The following GPC6 variants were observed in gnomAD, a reference collection of about 807,000 sequenced individuals.
GPC6 encodes glypican 6, also known as glypican-6.
GPC6 carries 14 observed loss-of-function variants against 55.2 expected under a neutral mutation model. The ratio of observed to expected loss-of-function variants is 0.25; its 90% confidence interval spans 0.17 to 0.40. GPC6 has a LOEUF of 0.40. Ranked by LOEUF, GPC6 falls within the 10% of genes least tolerant of loss-of-function variation. GPC6 has a pLI of 1.00. For missense variants in GPC6, 641 were observed against 708.5 expected (o/e 0.90, Z 1.08); for synonymous variants, 278 against 259.6 (o/e 1.07, Z -0.68).
intron 2 of GPC6, among the ~76,000 whole-genome samples, chr13:93,552,618 C>T (rs147616275): frequency 5.8e-4 from 89 of 152,292 alleles, no homozygotes; most frequent in African/African-American, 2.1e-3. Flanking sequence ...ACCCCTACCA[C>T]ACACCTCAAA....
chr13:93,609,253 C>T (rs1026771667), intron 2 of GPC6, among the ~76,000 whole-genome samples: 9 of 152,268 alleles, frequency 5.9e-5, no homozygotes, highest in South Asian at 2.1e-4. Context: ...CTTGTTCTGT[C>T]GCACAGGCTG....
In GPC6 at chr13:93,962,911, C is replaced by G. The variant is rs556450695; in HGVS notation, c.712-64818C>G. Among the ~76,000 whole-genome samples, 10 of 152,230 alleles carry G rather than the reference C, an allele frequency of 6.6e-5. No homozygotes were observed. The East Asian group carries it at 1.9e-3, about 29-fold the overall frequency. On this transcript the variant is annotated intron_variant, in intron 3 of 8. Coordinates refer to ENST00000377047, the MANE Select transcript of GPC6 (RefSeq NM_005708.5). ...CAATAGGTACTTGTAACCAAACTCTCAAATATTGTGTGACAGTTGTTCTGA... is the reference window on the plus strand; with the variant it reads ...CAATAGGTACTTGTAACCAAACTCTGAAATATTGTGTGACAGTTGTTCTGA...
intron 2 of GPC6, among the ~76,000 whole-genome samples, chr13:93,575,880 A>C (rs9589780): frequency 0.023 from 3,427 of 152,270 alleles, 126 homozygotes; most frequent in African/African-American, 0.078. Flanking sequence ...TCTCCAATCT[A>C]CAAAGCTGAG....
At chr13:94,038,669 T>C (rs1883423364) in intron 4 of GPC6, among the ~76,000 whole-genome samples, 1 of 151,892 alleles carries the variant, frequency 6.6e-6, no homozygotes, top group Non-Finnish European at 1.5e-5. Context: ...TTAAACTAGA[T>C]AATTTATGTA....
chr13:94,077,717 A>T (rs912521323), intron 4 of GPC6, among the ~76,000 whole-genome samples: 1 of 151,860 alleles, frequency 6.6e-6, no homozygotes, highest in Non-Finnish European at 1.5e-5. Flanking sequence ...TTCTGCATTT[A>T]TGGAGATGAT....
At chr13:93,676,958 TA>T (rs1881656212) in intron 2 of GPC6, among the ~76,000 whole-genome samples, 1 of 152,118 alleles carries the variant, frequency 6.6e-6, no homozygotes, top group Non-Finnish European at 1.5e-5. Context: ...CAGACTATTT[TA>T]ATATGCAAGC....
intron 5 of GPC6, among the ~76,000 whole-genome samples, chr13:94,289,156 A>G (rs866949023): frequency 8.2e-4 from 125 of 151,704 alleles, no homozygotes; most frequent in African/African-American, 3.0e-3. Flanking sequence ...GAAATGCACC[A>G]GTGAGTGAGC....
intron 3 of GPC6, among the ~76,000 whole-genome samples, chr13:94,002,494 A>G (rs1881849222): frequency 6.6e-6 from 1 of 152,176 alleles, no homozygotes; most frequent in South Asian, 2.1e-4. Flanking sequence ...ATCTTAATTT[A>G]TTCTAGAAAT....
At chr13:93,307,207 T>C (rs1034379124) in intron 1 of GPC6, among the ~76,000 whole-genome samples, 3 of 152,162 alleles carry the variant, frequency 2.0e-5, no homozygotes, top group African/African-American at 7.2e-5. Flanking sequence ...GTTGCATATA[T>C]GGCAGTAGTA....
At chr13:93,908,410 T>C (rs1358858174) in intron 3 of GPC6, among the ~76,000 whole-genome samples, 1 of 152,198 alleles carries the variant, frequency 6.6e-6, no homozygotes, top group Admixed American at 6.5e-5. Flanking sequence ...TGACAGGTCA[T>C]GTACTGACTA....
intron 4 of GPC6, among the ~76,000 whole-genome samples, chr13:94,103,814 T>G (rs1447881305): frequency 6.6e-6 from 1 of 152,306 alleles, no homozygotes; most frequent in South Asian, 2.1e-4. Flanking sequence ...TTGCAAAAAT[T>G]TTCTCCCATT....
intron 1 of GPC6, among the ~76,000 whole-genome samples, chr13:93,283,616 AG>A (rs1331050453): frequency 1.6e-4 from 25 of 152,244 alleles, no homozygotes; most frequent in African/African-American, 5.5e-4. Flanking sequence ...CAAAAGGGAC[AG>A]GTACACAGTT....
At chr13:93,706,016 C>CA (rs1328375729) in intron 2 of GPC6, among the ~76,000 whole-genome samples, 1 of 151,322 alleles carries the variant, frequency 6.6e-6, no homozygotes, top group Non-Finnish European at 1.5e-5. Flanking sequence ...GTCTAATTAC[C>CA]AAAAAATGGA....
chr13:93,648,731 C>G (rs1379574693), intron 2 of GPC6, among the ~76,000 whole-genome samples: 2 of 152,164 alleles, frequency 1.3e-5, no homozygotes, highest in African/African-American at 4.8e-5. Flanking sequence ...ATACTCCAGG[C>G]ATTATCTTGT....
chr13:94,331,224 T>G (rs1240982192), intron 6 of GPC6, among the ~76,000 whole-genome samples: 1 of 152,146 alleles, frequency 6.6e-6, no homozygotes, highest in Non-Finnish European at 1.5e-5. Flanking sequence ...AAATAAAGCT[T>G]TATTGGAACA....
chr13:93,847,838 C>G (rs1888247247), intron 3 of GPC6, among the ~76,000 whole-genome samples: 1 of 152,154 alleles, frequency 6.6e-6, no homozygotes, highest in Non-Finnish European at 1.5e-5. Flanking sequence ...GTATATGCCT[C>G]TGTGGCTGCA....
chr13:93,825,448 A>G (rs906561293), intron 2 of GPC6, among the ~76,000 whole-genome samples: 1 of 152,218 alleles, frequency 6.6e-6, no homozygotes, highest in Non-Finnish European at 1.5e-5. Context: ...TGTGGCAAGG[A>G]CAGACGTCCT....
intron 4 of GPC6, among the ~76,000 whole-genome samples, chr13:94,045,478 A>G (rs1394810247): frequency 6.6e-6 from 1 of 151,980 alleles, no homozygotes; most frequent in Non-Finnish European, 1.5e-5. Context: ...ACCTGGCAGT[A>G]TGAAACACTG....
chr13:93,428,268 G>C lies in GPC6; in HGVS notation c.161-116995G>C, dbSNP rs557199165. On this transcript the variant is annotated intron_variant, in intron 1 of 8. Transcript: ENST00000377047. ...CCATTCAGTGAGACTTTACGAACTA[G>C]TGTAAGGTAACATTATGGAGAAAAG... is the stretch of plus-strand genomic sequence containing the variant. Among the ~76,000 whole-genome samples, 13 of 152,256 alleles carry C rather than the reference G, an allele frequency of 8.5e-5. No individual in the cohort carries two copies. The South Asian group carries it at 2.7e-3, about 32-fold the overall frequency.
Sources: gnomAD v4.1 joint callset for allele counts (sites outside exome capture counted in the v4.1 genomes callset) on GRCh38, gnomAD v4.1.1 for gene constraint, MANE v1.5 for transcripts, NCBI Gene and HGNC (gene_info 2026-07-23, HGNC 2026-07-21) for gene names.